The following ZRANB3 variants were observed in gnomAD, a reference collection of about 807,000 sequenced individuals.
ZRANB3 encodes zinc finger RANBP2-type containing 3.
ZRANB3 carries 125 observed loss-of-function variants against 133.8 expected under a neutral mutation model. That is an observed-to-expected ratio of 0.93 (90% CI 0.81 to 1.08). ZRANB3 has a LOEUF of 1.08. ZRANB3 is among the 50% of genes least tolerant of loss of function. The pLI is 0.00. For synonymous variants in ZRANB3, 387 were observed against 432.7 expected (o/e 0.89, Z 1.31); for missense variants, 1,229 against 1,275.5 (o/e 0.96, Z 0.56).
chr2:135,207,511 G>C lies in ZRANB3; in HGVS notation c.2932C>G (p.Arg978Gly), dbSNP rs749550918. ...TGACTTTTAGGGGCATCTCTCAGAC[G>C]TAAAAAGAGTTCTTGTGCGTTCACA... ...CNVNAQELFLRLRDAPKSQRK... is the reference protein window; with the variant it reads ...CNVNAQELFLGLRDAPKSQRK... Residue 978 changes from arginine (R) to glycine (G), a missense_variant, in exon 19 of 21, where the codon CGT becomes GGT. Transcript: ENST00000264159. 6.2e-7 allele frequency: 1 copy of C among 1,613,976 alleles called. No homozygotes were observed. The highest frequency in any genetic ancestry group is 1.7e-5 in the Admixed American group (1 of 60,014).
At chr2:135,488,354 C>A (rs938298489) in intron 2 of ZRANB3, among the ~76,000 whole-genome samples, 1 of 151,970 alleles carries the variant, frequency 6.6e-6, no homozygotes, top group African/African-American at 2.4e-5. Context: ...TTAACACATA[C>A]TGTTGGAAAA....
intron 12 of ZRANB3, among the ~76,000 whole-genome samples, chr2:135,243,023 C>T (rs1695616193): frequency 1.3e-5 from 2 of 152,164 alleles, no homozygotes; most frequent in Admixed American, 1.3e-4. Flanking sequence ...CTGTTTTTCA[C>T]ATGAGAGGTG....
At chr2:135,445,073 A>G (rs747038553) in intron 2 of ZRANB3, among the ~76,000 whole-genome samples, 4 of 152,184 alleles carry the variant, frequency 2.6e-5, no homozygotes, top group Non-Finnish European at 5.9e-5. Flanking sequence ...TTTTGCAGTA[A>G]AGAAGTAAAG....
chr2:135,453,180 G>T (rs914669569), intron 2 of ZRANB3, among the ~76,000 whole-genome samples: 1 of 152,216 alleles, frequency 6.6e-6, no homozygotes, highest in African/African-American at 2.4e-5. Context: ...CTCTACAGTG[G>T]CCCCTTTCAG....
At chr2:135,368,727 T>A (rs1463612783) in intron 3 of ZRANB3, among the ~76,000 whole-genome samples, 1 of 151,954 alleles carries the variant, frequency 6.6e-6, no homozygotes, top group Non-Finnish European at 1.5e-5. Context: ...TATGCCTGTA[T>A]CAAAATATCT....
At chr2:135,298,635 T>C (rs1682280569) in intron 8 of ZRANB3, among the ~76,000 whole-genome samples, 2 of 152,168 alleles carry the variant, frequency 1.3e-5, no homozygotes, top group African/African-American at 2.4e-5. Context: ...TCTGGGCTGG[T>C]ACTGGGAAGT....
chr2:135,436,772 T>A lies in ZRANB3; in HGVS notation c.162-45952A>T, dbSNP rs1689554966. 3.3e-5 allele frequency among the ~76,000 whole-genome samples: 5 copies of A among 152,122 alleles called. No homozygotes were observed. In the South Asian group the frequency reaches 1.0e-3, roughly 32 times the overall value. ...GAATTTAAAAAAACTATTTTAAAAT[T>A]GATATGAAACCAAAAAAAAAGCCCC... On this transcript the variant is annotated intron_variant, in intron 2 of 20. Transcript: ENST00000264159.
At chr2:135,448,603 A>C (rs143917722) in intron 2 of ZRANB3, among the ~76,000 whole-genome samples, 1 of 152,206 alleles carries the variant, frequency 6.6e-6, no homozygotes, top group Non-Finnish European at 1.5e-5. Context: ...ATTATTCATT[A>C]ATGATAAAAA....
intron 1 of ZRANB3, among the ~76,000 whole-genome samples, chr2:135,528,574 A>T (rs958764387): frequency 4.6e-5 from 7 of 152,106 alleles, no homozygotes; most frequent in African/African-American, 1.7e-4. Context: ...CTCAGACGAA[A>T]CTCAATAAAA....
chr2:135,216,020 TC>T (rs1694293030), intron 17 of ZRANB3, among the ~76,000 whole-genome samples: 1 of 151,868 alleles, frequency 6.6e-6, no homozygotes, highest in South Asian at 2.1e-4. Flanking sequence ...TTCTAAGGTA[TC>T]CTTCTAGACA....
At chr2:135,417,733 T>G (rs1688653459) in intron 2 of ZRANB3, among the ~76,000 whole-genome samples, 1 of 152,174 alleles carries the variant, frequency 6.6e-6, no homozygotes, top group Admixed American at 6.5e-5. Flanking sequence ...AATGATAGGC[T>G]GGATTAAGAA....
At chr2:135,393,519 C>CA (rs1236914041) in intron 2 of ZRANB3, among the ~76,000 whole-genome samples, 1 of 150,736 alleles carries the variant, frequency 6.6e-6, no homozygotes, top group East Asian at 1.9e-4. Context: ...ACCTATTTTA[C>CA]AAAAAATAGG....
At chr2:135,307,521 G>A (rs1415115818) in intron 8 of ZRANB3, among the ~76,000 whole-genome samples, 1 of 151,920 alleles carries the variant, frequency 6.6e-6, no homozygotes, top group African/African-American at 2.4e-5. Context: ...TCTATTTGAT[G>A]CTTTAACATA....
At chr2:135,454,828 C>A (rs1690424955) in intron 2 of ZRANB3, among the ~76,000 whole-genome samples, 1 of 152,112 alleles carries the variant, frequency 6.6e-6, no homozygotes, top group Non-Finnish European at 1.5e-5. Flanking sequence ...TTACTTTATC[C>A]ACTCATTGGC....
At chr2:135,462,982 G>GT (rs1690829754) in intron 2 of ZRANB3, among the ~76,000 whole-genome samples, 1 of 152,178 alleles carries the variant, frequency 6.6e-6, no homozygotes, top group Non-Finnish European at 1.5e-5. Flanking sequence ...GAAATGTCAT[G>GT]TGAACCAAAG....
chr2:135,288,063 T>A (rs1681475390), intron 8 of ZRANB3, among the ~76,000 whole-genome samples: 1 of 152,188 alleles, frequency 6.6e-6, no homozygotes, highest in South Asian at 2.1e-4. Flanking sequence ...TAATGTTCGC[T>A]GTGGGTTTGT....
At chr2:135,418,446 T>G (rs1405665242) in intron 2 of ZRANB3, among the ~76,000 whole-genome samples, 7 of 152,202 alleles carry the variant, frequency 4.6e-5, no homozygotes, top group Admixed American at 4.6e-4. Flanking sequence ...TTAATGCATT[T>G]AGAGGTTTTT....
intron 2 of ZRANB3, among the ~76,000 whole-genome samples, chr2:135,457,096 C>T (rs1175452563): frequency 1.3e-5 from 2 of 152,210 alleles, no homozygotes; most frequent in East Asian, 3.8e-4. Flanking sequence ...TTGTGTCTGG[C>T]TTCCTTAACT....
chr2:135,521,827 A>G (rs1311698770), intron 1 of ZRANB3, among the ~76,000 whole-genome samples: 1 of 152,204 alleles, frequency 6.6e-6, no homozygotes, highest in African/African-American at 2.4e-5. Context: ...CACTCACGCT[A>G]AAACTTGAAG....
Sources: allele counts gnomAD v4.1 joint callset (sites outside exome capture counted in the v4.1 genomes callset), GRCh38; gene constraint gnomAD v4.1.1; transcripts MANE v1.5; gene names NCBI Gene and HGNC (gene_info 2026-07-23, HGNC 2026-07-21).